PACRG: variants seen among roughly 807,000 people sequenced by gnomAD.
PACRG encodes the protein parkin coregulated.
Under a neutral mutation model 29.7 loss-of-function variants are expected in PACRG, and 29 were observed. The ratio of observed to expected loss-of-function variants is 0.98; its 90% CI spans 0.73 to 1.33. The LOEUF (loss-of-function observed/expected upper bound fraction) is 1.33, where lower values mean the gene tolerates loss of function less well. Among genes scored for constraint, PACRG ranks in the 40% most tolerant of loss-of-function variants. The probability of loss-of-function intolerance (pLI) is 0.00; values close to 1 mark genes in which losing one functional copy is unlikely to be tolerated. For synonymous variants in PACRG, 116 were observed against 118.7 expected (o/e 0.98, Z 0.15); for missense variants, 279 against 316.2 (o/e 0.88, Z 0.89).
At position 163,005,146 on chromosome 6, in the gene PACRG, T is replaced by G. The variant is rs1374509692; in HGVS notation, c.292-57004T>G. Among the ~76,000 whole-genome samples the G allele has an allele frequency of 2.7e-4, 41 of 152,228 alleles. 1 individual carries two copies. The highest frequency in any genetic ancestry group is 2.7e-3 in the Admixed American group (41 of 15,290). On this transcript the variant is annotated intron_variant, in intron 2 of 4. Coordinates refer to ENST00000366888, the MANE Select transcript of PACRG (RefSeq NM_001080379.2). ...TTTTAATGTGGAATCTGTAGTGGTA[T>G]CACCCCTCTCATTCCTCTAAGTGGT...
At chr6:162,804,672 T>C (rs1403642241) in intron 1 of PACRG, among the ~76,000 whole-genome samples, 1 of 152,172 alleles carries the variant, frequency 6.6e-6, no homozygotes, top group East Asian at 1.9e-4. Context: ...TATATTCTCC[T>C]GACCTCAGGC....
chr6:163,293,088 C>G (rs921217459), intron 4 of PACRG, among the ~76,000 whole-genome samples: 3 of 152,134 alleles, frequency 2.0e-5, no homozygotes, highest in Non-Finnish European at 2.9e-5. Flanking sequence ...CGTGACTTTT[C>G]TTTATTCTTA....
chr6:162,955,733 C>T (rs1037378955), intron 2 of PACRG, among the ~76,000 whole-genome samples: 1 of 152,242 alleles, frequency 6.6e-6, no homozygotes, highest in Non-Finnish European at 1.5e-5. Flanking sequence ...GAAGGCCCTT[C>T]TGATCCTAGT....
intron 4 of PACRG, among the ~76,000 whole-genome samples, chr6:163,096,455 G>T (rs902792675): frequency 6.6e-6 from 1 of 152,250 alleles, no homozygotes; most frequent in Non-Finnish European, 1.5e-5. Context: ...GGAGAAACAA[G>T]AAATGGGACA....
upstream of PACRG, chr6:162,727,710 A>C (rs112850281): frequency 1.9e-6 from 3 of 1,556,318 alleles, no homozygotes; most frequent in Non-Finnish European, 1.7e-6. Flanking sequence ...GAACAGGCCC[A>C]TGCGCGCAGC....
At chr6:163,128,331 T>C (rs532277056) in intron 4 of PACRG, among the ~76,000 whole-genome samples, 37 of 152,334 alleles carry the variant, frequency 2.4e-4, no homozygotes, top group Non-Finnish European at 2.8e-4. Flanking sequence ...CTTGATTACT[T>C]AAAGGCACTA....
At chr6:163,031,916 G>A (rs994014654) in intron 2 of PACRG, among the ~76,000 whole-genome samples, 1 of 152,160 alleles carries the variant, frequency 6.6e-6, no homozygotes, top group African/African-American at 2.4e-5. Context: ...GCTTTTATTG[G>A]CTCTACAAGT....
At chr6:163,277,463 CATG>C (rs547700334) in intron 4 of PACRG, among the ~76,000 whole-genome samples, 4 of 144,162 alleles carry the variant, frequency 2.8e-5, no homozygotes, top group South Asian at 2.2e-4. Context: ...AGTAGTATCT[CATG>C]GTGTGTGTGT....
intron 4 of PACRG, among the ~76,000 whole-genome samples, chr6:163,214,560 ATATT>A (rs1003643676): frequency 1.3e-4 from 20 of 152,040 alleles, no homozygotes; most frequent in Middle Eastern, 3.4e-3. Flanking sequence ...CCATTCATAT[ATATT>A]TAATCTTTTT....
chr6:163,006,014 A>G (rs1805055250), intron 2 of PACRG, among the ~76,000 whole-genome samples: 1 of 135,818 alleles, frequency 7.4e-6, no homozygotes, highest in Non-Finnish European at 1.5e-5. Context: ...TTTATATGTT[A>G]TATACATTAT....
rs564485856 is a variant in PACRG at position 162,930,490 on chromosome 6, TG to T, written c.291+116210del. On this transcript the variant is annotated intron_variant, in intron 2 of 4. Coordinates refer to ENST00000366888, the MANE Select transcript of PACRG (RefSeq NM_001080379.2). ...TGTTTATTAGTTCTAATGGTTTTTT[TG>T]CAGTAAATCTTTAGGCTTTTCTATA... Among the ~76,000 whole-genome samples the T allele has an allele frequency of 4.6e-5, 7 of 152,036 alleles. No individual in the cohort carries two copies. The South Asian group carries it at 1.4e-3, about 31-fold the overall frequency.
intron 2 of PACRG, among the ~76,000 whole-genome samples, chr6:162,917,863 G>T (rs912348253): frequency 6.6e-6 from 1 of 152,032 alleles, no homozygotes; most frequent in Non-Finnish European, 1.5e-5. Flanking sequence ...ACTGAAATAT[G>T]TTTATATTTA....
At chr6:163,106,223 T>G (rs918516548) in intron 4 of PACRG, among the ~76,000 whole-genome samples, 1 of 152,146 alleles carries the variant, frequency 6.6e-6, no homozygotes, top group African/African-American at 2.4e-5. Context: ...GAAAGAGAGA[T>G]AAAAAGTGAT....
At chr6:163,191,934 C>T (rs1780235981) in intron 4 of PACRG, 19 of 368,634 alleles carry the variant, frequency 5.2e-5, no homozygotes, top group South Asian at 3.6e-4. Flanking sequence ...AATGTCCCAT[C>T]CCCTCCCGAA....
intron 2 of PACRG, among the ~76,000 whole-genome samples, chr6:162,941,695 TA>T (rs1418179993): frequency 6.6e-6 from 1 of 152,212 alleles, no homozygotes; most frequent in Non-Finnish European, 1.5e-5. Context: ...TTAATCATGC[TA>T]CATTGTATGC....
At chr6:162,906,810 C>T (rs1795965489) in intron 2 of PACRG, among the ~76,000 whole-genome samples, 1 of 152,156 alleles carries the variant, frequency 6.6e-6, no homozygotes, top group African/African-American at 2.4e-5. Flanking sequence ...ATCTCTGTAC[C>T]TCACAGAAAA....
intron 4 of PACRG, chr6:163,090,357 C>T (rs553867972): frequency 1.6e-4 from 24 of 152,200 alleles, no homozygotes; most frequent in East Asian, 9.6e-4. Flanking sequence ...GTAGTAGAAC[C>T]GGCTTATATG....
intron 2 of PACRG, among the ~76,000 whole-genome samples, chr6:163,034,471 G>T (rs1807971006): frequency 6.6e-6 from 1 of 152,060 alleles, no homozygotes; most frequent in Admixed American, 6.6e-5. Context: ...CCTAAATTGG[G>T]CTTCTAACCC....
chr6:162,802,682 C>A (rs1038988917), intron 1 of PACRG, among the ~76,000 whole-genome samples: 1 of 152,126 alleles, frequency 6.6e-6, no homozygotes, highest in Non-Finnish European at 1.5e-5. Flanking sequence ...TTCCTCAGTG[C>A]ACTACAGTCT....
Sources: allele counts gnomAD v4.1 joint callset (sites outside exome capture counted in the v4.1 genomes callset), GRCh38; gene constraint gnomAD v4.1.1; transcripts MANE v1.5; gene names NCBI Gene and HGNC (gene_info 2026-07-23, HGNC 2026-07-21).